Variants in WWOX observed in about 807,000 individuals in gnomAD.
WWOX encodes WW domain containing oxidoreductase.
Under a neutral mutation model 46.2 loss-of-function variants are expected in WWOX, and 69 were observed. The ratio of observed to expected loss-of-function variants is 1.49; its 90% CI spans 1.23 to 1.82. WWOX has a LOEUF of 1.82. Among genes scored for constraint, WWOX ranks in the 40% most tolerant of loss-of-function variants. The pLI is 0.00. For missense variants in WWOX, 919 were observed against 542.6 expected, an observed-to-expected ratio of 1.69 and a Z score of -6.89; for synonymous variants, 359 against 202.6, an observed-to-expected ratio of 1.77 and a Z score of -6.56.
chr16:78,903,732 C>T (rs1427645138), intron 8 of WWOX, among the ~76,000 whole-genome samples: 2 of 152,202 alleles, frequency 1.3e-5, no homozygotes, highest in African/African-American at 4.8e-5. Flanking sequence ...CTTCAAGCTG[C>T]CATCCATTAT....
chr16:78,984,269 C>T (rs4620969), intron 8 of WWOX, among the ~76,000 whole-genome samples: 112,399 of 152,034 alleles, frequency 0.74, 43,313 homozygotes, highest in Non-Finnish European at 0.86. Flanking sequence ...TGCTATATGG[C>T]AGAGCTTGGA....
At chr16:78,816,041 A>T (rs752380384) in intron 8 of WWOX, among the ~76,000 whole-genome samples, 24 of 152,188 alleles carry the variant, frequency 1.6e-4, no homozygotes, top group Middle Eastern at 3.2e-3. Flanking sequence ...TAGCCAGAAC[A>T]TGGCAGAAAC....
At chr16:78,738,836 T>C (rs2049149393) in intron 8 of WWOX, among the ~76,000 whole-genome samples, 1 of 152,034 alleles carries the variant, frequency 6.6e-6, no homozygotes, top group Non-Finnish European at 1.5e-5. Context: ...TATTAAGAGG[T>C]AGGAGGTAGA....
intron 8 of WWOX, among the ~76,000 whole-genome samples, chr16:78,458,640 A>G (rs1367421045): frequency 6.6e-6 from 1 of 151,802 alleles, no homozygotes; most frequent in Non-Finnish European, 1.5e-5. Flanking sequence ...AAATTATTTT[A>G]TAGCATATAA....
At chr16:78,685,529 A>G (rs2047834677) in intron 8 of WWOX, among the ~76,000 whole-genome samples, 1 of 152,244 alleles carries the variant, frequency 6.6e-6, no homozygotes, top group Admixed American at 6.5e-5. Context: ...CCTAAAATGC[A>G]AAAATAGCCC....
chr16:79,112,481 G>C (rs1250543337), intron 8 of WWOX, among the ~76,000 whole-genome samples: 5 of 152,060 alleles, frequency 3.3e-5, no homozygotes, highest in African/African-American at 7.2e-5. Flanking sequence ...CGTGCCTTTT[G>C]ACCCTTCTCC....
chr16:78,688,857 A>T (rs966875869), intron 8 of WWOX, among the ~76,000 whole-genome samples: 1 of 152,134 alleles, frequency 6.6e-6, no homozygotes. Flanking sequence ...AGTTACCCCC[A>T]TGATGTTTTC....
chr16:78,904,492 C>T (rs940556454), intron 8 of WWOX, among the ~76,000 whole-genome samples: 1 of 152,026 alleles, frequency 6.6e-6, no homozygotes, highest in Middle Eastern at 3.2e-3. Context: ...CTGCCCCAGC[C>T]TCCCAAAGTG....
chr16:78,380,801 C>T (rs1202464942), intron 5 of WWOX, among the ~76,000 whole-genome samples: 1 of 152,020 alleles, frequency 6.6e-6, no homozygotes, highest in Admixed American at 6.6e-5. Flanking sequence ...AGCCCCAAAC[C>T]ACCCCCTGAA....
intron 8 of WWOX, among the ~76,000 whole-genome samples, chr16:79,026,722 A>G (rs2047650675): frequency 7.3e-6 from 1 of 136,586 alleles, no homozygotes; most frequent in Admixed American, 8.0e-5. Context: ...GGTTCACACC[A>G]TTTTCCTGCC....
chr16:78,528,343 T>C (rs1005654222), intron 8 of WWOX, among the ~76,000 whole-genome samples: 7 of 151,574 alleles, frequency 4.6e-5, no homozygotes, highest in Non-Finnish European at 1.0e-4. Flanking sequence ...AGTCTAGTGA[T>C]AGTCCAACCT....
At chr16:78,103,496 T>C (rs2031937917) in intron 1 of WWOX, among the ~76,000 whole-genome samples, 1 of 152,074 alleles carries the variant, frequency 6.6e-6, no homozygotes, top group South Asian at 2.1e-4. Flanking sequence ...TGGCCCTCAG[T>C]TCTCTGGATC....
chr16:78,914,742 G>C (rs532725779), intron 8 of WWOX, among the ~76,000 whole-genome samples: 1 of 150,120 alleles, frequency 6.7e-6, no homozygotes, highest in South Asian at 2.1e-4. Context: ...AACTGGGCAT[G>C]CTGGCAGGCG....
chr16:78,691,161 C>T, intron 8 of WWOX: 1 of 690,580 alleles, frequency 1.4e-6, no homozygotes, highest in Non-Finnish European at 2.6e-6. Context: ...CAGTATTTCC[C>T]CCAGTGTTTG....
chr16:78,924,845 A>G (rs144243448), intron 8 of WWOX, among the ~76,000 whole-genome samples: 3 of 152,292 alleles, frequency 2.0e-5, no homozygotes, highest in South Asian at 2.1e-4. Context: ...GTGAAAATGC[A>G]TATATCCTTT....
intron 8 of WWOX, among the ~76,000 whole-genome samples, chr16:78,994,772 G>T (rs551076257): frequency 1.4e-3 from 208 of 152,238 alleles, no homozygotes; most frequent in Non-Finnish European, 1.7e-3. Flanking sequence ...ACTTTCTTTG[G>T]AGCGGAGCTG....
At chr16:78,593,266 C>T (rs1177684929) in intron 8 of WWOX, among the ~76,000 whole-genome samples, 2 of 151,942 alleles carry the variant, frequency 1.3e-5, no homozygotes, top group Non-Finnish European at 2.9e-5. Context: ...GTCTTAAACT[C>T]CTGGCCTCAA....
intron 8 of WWOX, among the ~76,000 whole-genome samples, chr16:78,603,785 G>A (rs1302431214): frequency 1.3e-5 from 2 of 152,144 alleles, no homozygotes; most frequent in Non-Finnish European, 2.9e-5. Context: ...TGGAACAAGT[G>A]GGGTGGGGAC....
At chr16:78,544,915 G>C (rs1053626701) in intron 8 of WWOX, among the ~76,000 whole-genome samples, 2 of 151,588 alleles carry the variant, frequency 1.3e-5, no homozygotes, top group African/African-American at 2.4e-5. Flanking sequence ...GGTGGCTCCT[G>C]CCTATAATCC....
Sources: gnomAD v4.1 joint callset for allele counts (sites outside exome capture counted in the v4.1 genomes callset) on GRCh38, gnomAD v4.1.1 for gene constraint, MANE v1.5 for transcripts, NCBI Gene and HGNC (gene_info 2026-07-23, HGNC 2026-07-21) for gene names.